Variants in PRKG1 observed in about 807,000 individuals in gnomAD.
The protein encoded by PRKG1 is cGMP-dependent protein kinase 1.
A neutral mutation model predicts 88.1 loss-of-function variants in PRKG1; 35 were observed. The ratio of observed to expected loss-of-function variants is 0.40; its 90% confidence interval spans 0.30 to 0.53. The LOEUF (loss-of-function observed/expected upper bound fraction) is 0.53, where lower values mean the gene tolerates loss of function less well. Among genes scored for constraint, PRKG1 ranks in the 20% least tolerant of loss-of-function variants. PRKG1 has a pLI of 0.59. For missense variants in PRKG1, 540 were observed against 839.8 expected (o/e 0.64, Z 4.41); for synonymous variants, 303 against 292.5 (o/e 1.04, Z -0.37).
chr10:52,119,652 T>G (rs745679979), intron 7 of PRKG1, among the ~76,000 whole-genome samples: 33 of 152,230 alleles, frequency 2.2e-4, no homozygotes, highest in Non-Finnish European at 4.7e-4. Flanking sequence ...AAGGAAAGAC[T>G]AATGCATTAC....
At chr10:52,198,765 C>T (rs71490907) in intron 9 of PRKG1, among the ~76,000 whole-genome samples, 3,686 of 151,804 alleles carry the variant, frequency 0.024, 57 homozygotes, top group Middle Eastern at 0.054. Flanking sequence ...TTTGTGGTTG[C>T]GTCACTCCAA....
intron 7 of PRKG1, among the ~76,000 whole-genome samples, chr10:52,096,322 G>T (rs1046389036): frequency 6.6e-6 from 1 of 152,122 alleles, no homozygotes; most frequent in Non-Finnish European, 1.5e-5. Context: ...AAAATCTGAT[G>T]AATGGGTAGC....
chr10:51,586,071 G>C (rs983573798), intron 3 of PRKG1, among the ~76,000 whole-genome samples: 1 of 151,818 alleles, frequency 6.6e-6, no homozygotes, highest in African/African-American at 2.4e-5. Flanking sequence ...CCCAAGCCTC[G>C]GTATCACGCA....
intron 17 of PRKG1, among the ~76,000 whole-genome samples, chr10:52,291,836 C>G (rs1422620017): frequency 6.6e-6 from 1 of 151,912 alleles, no homozygotes; most frequent in Non-Finnish European, 1.5e-5. Context: ...ACACTGACTT[C>G]CACAATGGTT....
intron 1 of PRKG1, among the ~76,000 whole-genome samples, chr10:51,053,018 A>G (rs1272019777): frequency 2.0e-5 from 3 of 152,042 alleles, no homozygotes; most frequent in Non-Finnish European, 4.4e-5. Flanking sequence ...TCACCAGGGG[A>G]CAGGATTTCT....
At chr10:51,041,286 A>C (rs1481694723) in intron 1 of PRKG1, among the ~76,000 whole-genome samples, 3 of 151,708 alleles carry the variant, frequency 2.0e-5, no homozygotes, top group African/African-American at 7.3e-5. Context: ...GGAATCGGGG[A>C]CCCCAGGAGC....
At chr10:51,931,734 T>A (rs562705077) in intron 5 of PRKG1, among the ~76,000 whole-genome samples, 1 of 152,292 alleles carries the variant, frequency 6.6e-6, no homozygotes, top group African/African-American at 2.4e-5. Flanking sequence ...AAGAAATAAT[T>A]TTGCATATTC....
intron 9 of PRKG1, among the ~76,000 whole-genome samples, chr10:52,205,715 T>C (rs1839802295): frequency 6.6e-6 from 1 of 152,222 alleles, no homozygotes; most frequent in Non-Finnish European, 1.5e-5. Context: ...GAATTTCTTT[T>C]CTTTAAGAAT....
intron 9 of PRKG1, among the ~76,000 whole-genome samples, chr10:52,219,356 C>A (rs1840188782): frequency 6.6e-6 from 1 of 152,082 alleles, no homozygotes; most frequent in Non-Finnish European, 1.5e-5. Context: ...GCATAAGAGT[C>A]CAGTAATCCT....
chr10:51,184,267 T>G (rs1837424817), intron 2 of PRKG1, among the ~76,000 whole-genome samples: 1 of 152,210 alleles, frequency 6.6e-6, no homozygotes, highest in African/African-American at 2.4e-5. Context: ...ATCTCTAGAC[T>G]TTTTCCATAA....
intron 3 of PRKG1, among the ~76,000 whole-genome samples, chr10:51,480,560 TAA>T (rs112795238): frequency 0.015 from 2,121 of 140,620 alleles, 41 homozygotes; most frequent in Admixed American, 0.046. Context: ...CCTTGGCACC[TAA>T]AAAAAAAAAA....
chr10:51,215,996 G>A (rs546283202), intron 2 of PRKG1, among the ~76,000 whole-genome samples: 2 of 152,326 alleles, frequency 1.3e-5, no homozygotes, highest in East Asian at 3.9e-4. Flanking sequence ...ATAGAAAATA[G>A]CTTTCCAAAT....
At chr10:51,332,422 C>A (rs1841765458) in intron 2 of PRKG1, among the ~76,000 whole-genome samples, 1 of 152,096 alleles carries the variant, frequency 6.6e-6, no homozygotes, top group African/African-American at 2.4e-5. Context: ...AAAAATCACA[C>A]TGAGGAAGGT....
intron 3 of PRKG1, among the ~76,000 whole-genome samples, chr10:51,557,499 A>G (rs1214881669): frequency 1.3e-5 from 2 of 151,970 alleles, no homozygotes; most frequent in Admixed American, 6.6e-5. Context: ...AGTTATGAGT[A>G]TGGGCTTTAT....
intron 3 of PRKG1, among the ~76,000 whole-genome samples, chr10:51,670,768 A>C (rs529163304): frequency 5.3e-5 from 8 of 150,664 alleles, no homozygotes; most frequent in Admixed American, 2.0e-4. Context: ...AAATAAATAA[A>C]TAAATAAATA....
chr10:52,190,290 C>T (rs1003898121), intron 9 of PRKG1, among the ~76,000 whole-genome samples: 1 of 152,068 alleles, frequency 6.6e-6, no homozygotes, highest in Non-Finnish European at 1.5e-5. Context: ...TGAAATGACA[C>T]AAATCCCAAA....
rs142870409 is a variant in PRKG1, at chr10:51,817,515, A to G, written c.698+12825A>G. Among the ~76,000 whole-genome samples the G allele has an allele frequency of 9.1e-3, 1,389 of 152,244 alleles. 23 individuals are homozygous for G. Among genetic ancestry groups the G allele is most frequent in the African/African-American group, 0.031 (1,297 of 41,522 alleles). On this transcript the variant is annotated intron_variant, in intron 4 of 17. Coordinates refer to ENST00000373980, the MANE Select transcript of PRKG1 (RefSeq NM_006258.4). ...TTTCCAGCTTCATCCATGTCCCTGC[A>G]TAGGACATGAACTCATCCTTTTTTT...
At chr10:51,544,740 T>C (rs574370920) in intron 3 of PRKG1, among the ~76,000 whole-genome samples, 1 of 152,212 alleles carries the variant, frequency 6.6e-6, no homozygotes, top group Admixed American at 6.5e-5. Context: ...ATTTTAATGA[T>C]CGCCATTCTA....
At chr10:52,004,688 A>AG (rs1844685697) in intron 5 of PRKG1, among the ~76,000 whole-genome samples, 1 of 152,174 alleles carries the variant, frequency 6.6e-6, no homozygotes, top group Non-Finnish European at 1.5e-5. Context: ...TGGAAGTGGT[A>AG]GGGGGGAAAC....
Sources: allele counts gnomAD v4.1 joint callset (sites outside exome capture counted in the v4.1 genomes callset), GRCh38; gene constraint gnomAD v4.1.1; transcripts MANE v1.5; gene names NCBI Gene and HGNC (gene_info 2026-07-23, HGNC 2026-07-21).